Variants in TRPC5 observed in about 807,000 individuals in gnomAD.
TRPC5 encodes the protein transient receptor potential cation channel subfamily C member 5, also known as short transient receptor potential channel 5.
Under a neutral mutation model 56.5 loss-of-function variants are expected in TRPC5, and 9 were observed. That is an observed-to-expected ratio of 0.16 (90% confidence interval 0.10 to 0.28). TRPC5 has a LOEUF of 0.28. TRPC5 is among the 10% of genes least tolerant of loss of function. The pLI, the probability that TRPC5 is intolerant of heterozygous loss-of-function variation, is 1.00. For synonymous variants in TRPC5, 282 were observed against 278.5 expected, an observed-to-expected ratio of 1.01 and a Z score of -0.13; for missense variants, 469 against 748.9, an observed-to-expected ratio of 0.63 and a Z score of 4.36.
chrX:111,817,908 C>T (rs1265167693), intron 7 of TRPC5, among the ~76,000 whole-genome samples: 1 of 111,486 alleles, frequency 9.0e-6, no homozygotes, highest in Admixed American at 9.6e-5. Context: ...ATTAGCCTCT[C>T]TTTAGCATCC....
chrX:112,045,690 A>G (rs1930000511), intron 1 of TRPC5, among the ~76,000 whole-genome samples: 1 of 111,920 alleles, frequency 8.9e-6, no homozygotes, highest in Non-Finnish European at 1.9e-5. Context: ...GCCCTCAGTA[A>G]TTCACCTCAT....
intron 1 of TRPC5, among the ~76,000 whole-genome samples, chrX:112,006,510 G>A (rs768421670): frequency 5.4e-5 from 6 of 111,191 alleles, no homozygotes; most frequent in Non-Finnish European, 1.1e-4. Context: ...GAGAGGCTAC[G>A]GAATTTGCCC....
intron 1 of TRPC5, among the ~76,000 whole-genome samples, chrX:112,023,309 C>G (rs1422492908): frequency 9.6e-5 from 3 of 31,275 alleles, no homozygotes; most frequent in Non-Finnish European, 1.7e-4. Flanking sequence ...AAATTCTTTT[C>G]TGTCTCCTTT....
In TRPC5 at chrX:112,001,777, A is replaced by G. The variant is rs139253495; in HGVS notation, c.-21-49336T>C. Among the ~76,000 whole-genome samples, 5 of 111,873 alleles carry G rather than the reference A, an allele frequency of 4.5e-5. No homozygotes were observed. The East Asian group carries it at 1.4e-3, about 32-fold the overall frequency. The stretch of plus-strand genomic sequence containing the variant: ...CTCTGACTGAAAACAAAACAAAACA[A>G]AAAGTGAACTCAAATTAGATGGAGA... On this transcript the variant is annotated intron_variant, in intron 1 of 10. Transcript: ENST00000262839.
chrX:111,797,059 T>G (rs1244279463), intron 7 of TRPC5, among the ~76,000 whole-genome samples: 1 of 112,287 alleles, frequency 8.9e-6, no homozygotes, highest in Non-Finnish European at 1.9e-5. Context: ...GGTTTTTGAG[T>G]GAACATTCAG....
intron 7 of TRPC5, among the ~76,000 whole-genome samples, chrX:111,818,289 C>A (rs1026462410): frequency 8.9e-6 from 1 of 111,913 alleles, no homozygotes; most frequent in African/African-American, 3.2e-5. Flanking sequence ...TCAAAGAGAC[C>A]TTCCCTGAGC....
intron 2 of TRPC5, among the ~76,000 whole-genome samples, chrX:111,927,005 T>C (rs1284829569): frequency 8.9e-6 from 1 of 111,771 alleles, no homozygotes; most frequent in Non-Finnish European, 1.9e-5. Context: ...GGTGATTAGG[T>C]GATTAGTATT....
intron 1 of TRPC5, among the ~76,000 whole-genome samples, chrX:112,073,412 G>A (rs1467921073): frequency 9.5e-6 from 1 of 105,151 alleles, no homozygotes; most frequent in Non-Finnish European, 2.1e-5. Flanking sequence ...TGAGACTACA[G>A]GCACGTGCCA....
At chrX:112,074,792 G>A (rs1185621309) in intron 1 of TRPC5, among the ~76,000 whole-genome samples, 1 of 112,148 alleles carries the variant, frequency 8.9e-6, no homozygotes, top group East Asian at 2.8e-4. Context: ...CTTCCACCTG[G>A]TGCACACTGA....
At position 111,841,169 on chromosome X, in the gene TRPC5, G is replaced by C. The variant is rs779277328; in HGVS notation, c.1700+5945C>G. On this transcript the variant is annotated intron_variant, in intron 6 of 10. Coordinates refer to ENST00000262839, the MANE Select transcript of TRPC5 (RefSeq NM_012471.3). ...AAATATTGGCTGAATGATGGGTGGA[G>C]AAATCACCACTGATTAAGTAGAAGT... 7.1e-5 allele frequency among the ~76,000 whole-genome samples: 8 copies of C among 112,490 alleles called. No homozygotes were observed. In the South Asian group the frequency reaches 2.9e-3, roughly 41 times the overall value.
At chrX:111,878,896 A>G (rs1482986016) in intron 3 of TRPC5, among the ~76,000 whole-genome samples, 1 of 111,516 alleles carries the variant, frequency 9.0e-6, no homozygotes, top group Non-Finnish European at 1.9e-5. Context: ...CAATTTTGAG[A>G]CCCTTAAAGG....
chrX:111,975,965 A>T (rs1927915783), intron 1 of TRPC5, among the ~76,000 whole-genome samples: 1 of 112,587 alleles, frequency 8.9e-6, no homozygotes, highest in Admixed American at 9.4e-5. Flanking sequence ...TTACATGATG[A>T]AGTAGAATTT....
intron 3 of TRPC5, among the ~76,000 whole-genome samples, chrX:111,886,457 C>A (rs1416257048): frequency 9.0e-6 from 1 of 111,279 alleles, no homozygotes; most frequent in Admixed American, 9.5e-5. Flanking sequence ...ATTGACACTT[C>A]TTTTTTTTCA....
chrX:111,912,836 T>G (rs41312568), intron 2 of TRPC5, 24 bp from the exon 3 acceptor site: 1 of 1,173,566 alleles, frequency 8.5e-7, no homozygotes, highest in Non-Finnish European at 1.1e-6. Context: ...ATGAGAAGAA[T>G]AGAAGGGCAG....
intron 3 of TRPC5, among the ~76,000 whole-genome samples, chrX:111,894,111 T>C (rs1222219963): frequency 1.8e-5 from 2 of 111,635 alleles, no homozygotes; most frequent in Non-Finnish European, 3.8e-5. Context: ...TAAATAGGAA[T>C]CTGGCACCCA....
intron 2 of TRPC5, among the ~76,000 whole-genome samples, chrX:111,937,149 G>A (rs1472489325): frequency 9.4e-6 from 1 of 106,324 alleles, no homozygotes; most frequent in African/African-American, 3.6e-5. Context: ...CTTCTTTTGA[G>A]AAGTGTCTGT....
chrX:111,905,757 A>C (rs1025206900), intron 3 of TRPC5, among the ~76,000 whole-genome samples: 1 of 109,491 alleles, frequency 9.1e-6, no homozygotes, highest in Admixed American at 9.7e-5. Flanking sequence ...TACTAAAAAT[A>C]CAAAAAAATT....
At chrX:111,936,046 C>A (rs1038609180) in intron 2 of TRPC5, among the ~76,000 whole-genome samples, 1 of 111,797 alleles carries the variant, frequency 8.9e-6, no homozygotes, top group Non-Finnish European at 1.9e-5. Context: ...TTGCATTGGG[C>A]AGTATGTACA....
chrX:112,081,536 C>A (rs147842913), intron 1 of TRPC5, among the ~76,000 whole-genome samples: 226 of 111,245 alleles, frequency 2.0e-3, no homozygotes, highest in Non-Finnish European at 3.1e-3. Context: ...GCAGGTTCCC[C>A]ACGGATCTTA....
Sources: gnomAD v4.1 joint callset for allele counts (sites outside exome capture counted in the v4.1 genomes callset) on GRCh38, gnomAD v4.1.1 for gene constraint, MANE v1.5 for transcripts, NCBI Gene and HGNC (gene_info 2026-07-23, HGNC 2026-07-21) for gene names.